Variants in CNOT4 observed in about 807,000 individuals in gnomAD.
The protein encoded by CNOT4 is CCR4-associated factor 4.
CNOT4 carries 8 observed loss-of-function variants against 73.8 expected under a neutral mutation model. The observed-to-expected ratio is 0.11, with a 90% CI of 0.06 to 0.20. CNOT4 has a LOEUF of 0.20. CNOT4 is among the 10% of genes least tolerant of loss of function. CNOT4 has a pLI of 1.00. For missense variants in CNOT4, 564 were observed against 883.4 expected (o/e 0.64, Z 4.58); for synonymous variants, 293 against 321.1 (o/e 0.91, Z 0.94).
intron 2 of CNOT4, among the ~76,000 whole-genome samples, chr7:135,432,577 T>C (rs996857919): frequency 2.0e-5 from 3 of 152,218 alleles, no homozygotes; most frequent in African/African-American, 7.2e-5. Context: ...TTTGGACTGG[T>C]TGCCCTCTTT....
At chr7:135,377,801 G>A (rs999039850) in intron 10 of CNOT4, among the ~76,000 whole-genome samples, 1 of 152,180 alleles carries the variant, frequency 6.6e-6, no homozygotes, top group Non-Finnish European at 1.5e-5. Context: ...CAGATTGCCA[G>A]AGACAATCTT....
intron 4 of CNOT4, 94 bp downstream of exon 4, chr7:135,415,082 C>T: frequency 2.6e-6 from 2 of 764,482 alleles, no homozygotes; most frequent in Non-Finnish European, 2.3e-6. Flanking sequence ...GTCCCTCAAG[C>T]TTTCTAATCA....
intron 10 of CNOT4, among the ~76,000 whole-genome samples, chr7:135,375,376 T>C (rs1795460592): frequency 6.6e-6 from 1 of 152,232 alleles, no homozygotes; most frequent in Non-Finnish European, 1.5e-5. Flanking sequence ...GTTCAATTGG[T>C]AAAAGATTTT....
rs1410055518 is a variant in CNOT4 at position 135,362,288 on chromosome 7, T to G, written c.*597A>C. ...GTTACTACTACAGATGAATTTGTCTTTCCATCAACTTCCAATACATTCTTT... is the reference window on the plus strand; with the variant it reads ...GTTACTACTACAGATGAATTTGTCTGTCCATCAACTTCCAATACATTCTTT... On this transcript the variant is annotated 3_prime_UTR_variant, in exon 12 of 12. Transcript: ENST00000541284. The G allele has an allele frequency of 6.4e-6, 1 of 157,348 alleles. No homozygotes were observed. The highest frequency in any genetic ancestry group is 1.4e-5 in the Non-Finnish European group (1 of 71,154). The allele number at this position is 157,348 out of a possible 1,614,324, so 9.7% of individuals were successfully genotyped here.
intron 10 of CNOT4, among the ~76,000 whole-genome samples, chr7:135,369,672 T>C (rs902229920): frequency 2.0e-5 from 3 of 152,242 alleles, no homozygotes; most frequent in Non-Finnish European, 2.9e-5. Context: ...CTCTTTGCCA[T>C]TTAGACTTTC....
intron 1 of CNOT4, among the ~76,000 whole-genome samples, chr7:135,486,031 T>C (rs1563078052): frequency 2.6e-5 from 4 of 152,044 alleles, no homozygotes; most frequent in Non-Finnish European, 4.4e-5. Context: ...GCAAACCACA[T>C]ATCTGACAAA....
intron 7 of CNOT4, among the ~76,000 whole-genome samples, chr7:135,403,234 A>G (rs1797096751): frequency 6.6e-6 from 1 of 152,214 alleles, no homozygotes; most frequent in African/African-American, 2.4e-5. Context: ...TCCCACATAT[A>G]TTCATTTCAA....
chr7:135,413,967 C>T (rs1797714146), intron 5 of CNOT4, among the ~76,000 whole-genome samples: 1 of 151,998 alleles, frequency 6.6e-6, no homozygotes, highest in South Asian at 2.1e-4. Context: ...CCTCCTTCCA[C>T]TAACAGTAAA....
chr7:135,501,125 C>A (rs1474127823), intron 1 of CNOT4, among the ~76,000 whole-genome samples: 3 of 151,854 alleles, frequency 2.0e-5, no homozygotes, highest in African/African-American at 4.8e-5. Flanking sequence ...GCTGGGATTA[C>A]AGGGGCACAC....
At chr7:135,407,806 A>G (rs7780028) in intron 7 of CNOT4, among the ~76,000 whole-genome samples, 11,795 of 152,280 alleles carry the variant, frequency 0.077, 526 homozygotes, top group Middle Eastern at 0.13. Context: ...GATTACAGGC[A>G]TGTGCCACCA....
chr7:135,456,540 T>C (rs755167203), intron 1 of CNOT4, among the ~76,000 whole-genome samples: 1 of 152,070 alleles, frequency 6.6e-6, no homozygotes, highest in Non-Finnish European at 1.5e-5. Context: ...TCGGTATCAT[T>C]GGAGGACTTG....
intron 2 of CNOT4, among the ~76,000 whole-genome samples, chr7:135,422,772 TAGG>T (rs1284829279): frequency 6.6e-6 from 1 of 152,228 alleles, no homozygotes; most frequent in Non-Finnish European, 1.5e-5. Flanking sequence ...TACTATGTGC[TAGG>T]AGATTAATGA....
At chr7:135,435,598 T>C (rs897987626) in intron 2 of CNOT4, among the ~76,000 whole-genome samples, 2 of 152,230 alleles carry the variant, frequency 1.3e-5, no homozygotes, top group Non-Finnish European at 2.9e-5. Context: ...TTTAAATGTC[T>C]TTCTGTTTTG....
At chr7:135,475,913 T>A (rs1474016328) in intron 1 of CNOT4, among the ~76,000 whole-genome samples, 2 of 151,728 alleles carry the variant, frequency 1.3e-5, no homozygotes, top group African/African-American at 4.8e-5. Flanking sequence ...CCTGTCTCAA[T>A]AACAACAATG....
At chr7:135,454,760 C>T (rs868095828) in intron 1 of CNOT4, among the ~76,000 whole-genome samples, 4 of 151,686 alleles carry the variant, frequency 2.6e-5, no homozygotes, top group Non-Finnish European at 4.4e-5. Context: ...GGTATGGTGG[C>T]GTGTGCCTGT....
intron 1 of CNOT4, among the ~76,000 whole-genome samples, chr7:135,485,797 C>T (rs960156908): frequency 2.0e-5 from 3 of 152,134 alleles, no homozygotes; most frequent in Admixed American, 2.0e-4. Context: ...TGTTATCACA[C>T]ACTTAAATGT....
chr7:135,381,732 T>A (rs1795856201), intron 10 of CNOT4, among the ~76,000 whole-genome samples: 1 of 152,200 alleles, frequency 6.6e-6, no homozygotes, highest in African/African-American at 2.4e-5. Flanking sequence ...AGAATGGTAC[T>A]GGGTCACTGC....
chr7:135,447,397 T>TA (rs1484836327), intron 1 of CNOT4, among the ~76,000 whole-genome samples: 2 of 152,212 alleles, frequency 1.3e-5, no homozygotes, highest in African/African-American at 4.8e-5. Flanking sequence ...GTATTACCTT[T>TA]AGGAAGCTGA....
chr7:135,391,674 G>A (rs746968880), intron 10 of CNOT4, among the ~76,000 whole-genome samples: 35 of 151,990 alleles, frequency 2.3e-4, no homozygotes, highest in Non-Finnish European at 5.9e-5. Flanking sequence ...GATTTTAAAT[G>A]ACTAACACAA....
Sources: allele counts gnomAD v4.1 joint callset (sites outside exome capture counted in the v4.1 genomes callset), GRCh38; gene constraint gnomAD v4.1.1; transcripts MANE v1.5; gene names NCBI Gene and HGNC (gene_info 2026-07-23, HGNC 2026-07-21).